Variants in MMP25 observed in about 807,000 individuals in gnomAD.
The protein encoded by MMP25 is matrix metallopeptidase 25, also known as matrix metalloproteinase-25.
A neutral mutation model predicts 62.1 loss-of-function variants in MMP25; 68 were observed. That is an observed-to-expected ratio of 1.10 (90% confidence interval 0.90 to 1.34). MMP25 has a LOEUF of 1.34. Among genes scored for constraint, MMP25 ranks in the 40% most tolerant of loss-of-function variants. The pLI is 0.00. For missense variants in MMP25, 942 were observed against 792.5 expected (o/e 1.19, Z -2.26); for synonymous variants, 407 against 345.6 (o/e 1.18, Z -1.97).
In MMP25 at chr16:3,046,927, C is replaced by T. The variant is rs976518420; in HGVS notation, c.10C>T (p.Arg4Trp). 5 of 1,453,944 alleles carry T rather than the reference C, an allele frequency of 3.4e-6. No individual in the cohort carries two copies. Among genetic ancestry groups the T allele is most frequent in the Non-Finnish European group, 3.6e-6 (4 of 1,111,200 alleles). The allele number at this position is 1,453,944 out of a possible 1,614,324, so 90.1% of individuals were successfully genotyped here. A position where few individuals can be genotyped will look rare whatever the true frequency, so the allele number is the denominator to read the frequency against. Residue 4 changes from arginine (R) to tryptophan (W), a missense_variant, in exon 1 of 10, where the codon CGG becomes TGG. Transcript: ENST00000336577. MRL[R>W]LRLLALLLLL... ...CGGGCTGGGGCGCACCATGCGGCTG[C>T]GGCTCCGGCTTCTGGCGCTGCTGCT...
chr16:3,060,537 A>T lies in MMP25; in HGVS notation c.*1439A>T, dbSNP rs1465277688. ...CAGCAACCATGCGAGGGGTTGCCCC[A>T]GTTGCTCATACAAACAGATCAGCAT... On this transcript the variant is annotated 3_prime_UTR_variant, in exon 10 of 10. Coordinates refer to ENST00000336577, the MANE Select transcript of MMP25 (RefSeq NM_022468.5). 6.6e-6 allele frequency: 1 copy of T among 152,186 alleles called. No homozygotes were observed. The highest frequency in any genetic ancestry group is 1.5e-5 in the Non-Finnish European group (1 of 68,030). The allele number at this position is 152,186 out of a possible 1,614,324, so 9.4% of individuals were successfully genotyped here. A position where few individuals can be genotyped will look rare whatever the true frequency, so the allele number is the denominator to read the frequency against.
In MMP25 at chr16:3,058,565, G is replaced by GCTA; in HGVS notation, c.1315_1317dup (p.Tyr439dup). ...CTGGTCCGCGGCCGGCAGTACTGGC[G>GCTA]CTACGACGAGGCGGCGGCGCGCCCG... On this transcript the variant is annotated inframe_insertion, in exon 9 of 10. Coordinates refer to ENST00000336577, the MANE Select transcript of MMP25 (RefSeq NM_022468.5). 1 of 1,610,668 alleles carries GCTA rather than the reference G, an allele frequency of 6.2e-7. No homozygotes were observed. Among genetic ancestry groups the GCTA allele is most frequent in the Non-Finnish European group, 8.5e-7 (1 of 1,179,138 alleles).
Position 3,058,662 on chromosome 16 carries a change from C to A in MMP25, c.1410C>A (p.Ser470Arg), listed in dbSNP as rs751951982. ...APPSPDDVTVSNAGDTYFFKG... is the reference protein window; with the variant it reads ...APPSPDDVTVRNAGDTYFFKG... Reference sequence around the variant, plus strand: ...CCTCCCCTGACGATGTCACCGTCAGCAACGCAGGTGGGGAGCGCGGTGACC... The same window carrying A: ...CCTCCCCTGACGATGTCACCGTCAGAAACGCAGGTGGGGAGCGCGGTGACC... Residue 470 changes from serine (S) to arginine (R), a missense_variant, in exon 9 of 10, where the codon AGC becomes AGA. Physicochemically the swap from Ser to Arg is moderately radical, Grantham distance 110 (BLOSUM62 -1). Transcript: ENST00000336577. 4 of 1,598,880 alleles carry A rather than the reference C, an allele frequency of 2.5e-6. No homozygotes were observed. In the Admixed American group the frequency reaches 6.8e-5, roughly 27 times the overall value.
Position 3,057,202 on chromosome 16 carries a change from A to C in MMP25, c.831A>C (p.Gln277His). 1.2e-6 allele frequency: 2 copies of C among 1,612,414 alleles called. No individual in the cohort carries two copies. Among genetic ancestry groups the C allele is most frequent in the Non-Finnish European group, 1.7e-6 (2 of 1,179,372 alleles). ...AGGATGACCGCGATGGCCTGCAGCA[A>C]CTCTATGGTAGGGGGAGAGGGACCT... ...LSQDDRDGLQQLYGKAPQTPY... is the reference protein window; with the variant it reads ...LSQDDRDGLQHLYGKAPQTPY... The change falls in exon 5 of 10, where the codon CAA (glutamine) becomes CAC (histidine). Residue 277 changes from glutamine (Q) to histidine (H), a missense_variant. Coordinates refer to ENST00000336577, the MANE Select transcript of MMP25 (RefSeq NM_022468.5).
chr16:3,059,127 C>T lies in MMP25; in HGVS notation c.*29C>T. 1 of 1,494,710 alleles carries T rather than the reference C, an allele frequency of 6.7e-7. No individual in the cohort carries two copies. Among genetic ancestry groups the T allele is most frequent in the Non-Finnish European group, 9.0e-7 (1 of 1,115,286 alleles). 92.6% of individuals were successfully genotyped at this position (1,494,710 alleles called of 1,614,324 possible). ...GGGGAGCCATCCAGACCGAACAGCG[C>T]CCTCCACGGCCGAGTCCCCCGCCGC... On this transcript the variant is annotated 3_prime_UTR_variant, in exon 10 of 10. Coordinates refer to ENST00000336577, the MANE Select transcript of MMP25 (RefSeq NM_022468.5).
chr16:3,059,191 CTTGT>C lies in MMP25; in HGVS notation c.*94_*97del. 7.3e-7 allele frequency: 1 copy of C among 1,373,626 alleles called. No individual in the cohort carries two copies. The highest frequency in any genetic ancestry group is 9.6e-7 in the Non-Finnish European group (1 of 1,045,036). 85.1% of individuals were successfully genotyped at this position (1,373,626 alleles called of 1,614,324 possible). ...GGGTTGTGAGGCGCTGCGGAGGCCC[CTTGT>C]CTGTTCCCACGGACGGGGGCTCGGG... On this transcript the variant is annotated 3_prime_UTR_variant, in exon 10 of 10. Transcript: ENST00000336577.
At chr16:3,047,155 C>G (rs1487111913) in intron 1 of MMP25, 139 bp downstream of exon 1, 51 of 1,128,818 alleles carry the variant, frequency 4.5e-5, no homozygotes, top group Non-Finnish European at 5.9e-5. Context: ...TCTGTGCTCC[C>G]GGCTTCTTGG....
rs1166791720 is a variant in MMP25 at position 3,057,046 on chromosome 16, C to T, written c.675C>T (p.Thr225=). The T allele has an allele frequency of 1.8e-5, 29 of 1,585,498 alleles. No individual in the cohort carries two copies. The highest frequency in any genetic ancestry group is 6.7e-5 in the East Asian group (3 of 44,554). ...TTTCTCCTGCAGACGGCGAGGGGAC[C>T]GACCTGTTTGCCGTGGCTGTCCATG... is the stretch of plus-strand genomic sequence containing the variant. ...WTFGSKDGEG[T]DLFAVAVHEF... is the part of the protein sequence containing the mutation. Residue 225 remains threonine, a synonymous_variant, in exon 5 of 10, where the codon ACC becomes ACT. Coordinates refer to ENST00000336577, the MANE Select transcript of MMP25 (RefSeq NM_022468.5).
rs1234990182 is a variant in MMP25 at position 3,055,938 on chromosome 16, C to A, written c.662-1095C>A. On this transcript the variant is annotated intron_variant, in intron 4 of 9. Transcript: ENST00000336577. ...TCCTCTGGGTCCTGGCAGTCCTGAG[C>A]GCCTGAGCTGAATACAGAGGGAAGA... 5 of 455,518 alleles carry A rather than the reference C, an allele frequency of 1.1e-5. No individual in the cohort carries two copies. The Admixed American group carries it at 1.2e-4, about 11-fold the overall frequency. The allele number at this position is 455,518 out of a possible 1,614,324, so 28.2% of individuals were successfully genotyped here.
rs925636218 is a variant in MMP25 at position 3,046,800 on chromosome 16, T to G, written c.-118T>G. The G allele has an allele frequency of 9.7e-6, 5 of 513,468 alleles. No homozygotes were observed. In the African/African-American group the frequency reaches 1.0e-4, roughly 10 times the overall value. The allele number at this position is 513,468 out of a possible 1,614,324, so 31.8% of individuals were successfully genotyped here. A position where few individuals can be genotyped will look rare whatever the true frequency, so the allele number is the denominator to read the frequency against. ...CCCAGCCCTCCGGCCGATCCCTCCC[T>G]ACTCGGTGCCGGGTGCCCCCCGCCC... On this transcript the variant is annotated 5_prime_UTR_variant, in exon 1 of 10. Transcript: ENST00000336577.
Position 3,050,264 on chromosome 16 carries a change from T to A in MMP25, c.379T>A (p.Phe127Ile). Residue 127 changes from phenylalanine to isoleucine, a missense_variant, in exon 4 of 10, where the codon TTC becomes ATC. Transcript: ENST00000336577. Reference protein sequence around the residue: ...KRTLTWRVRSFPQSSQLSQET... With the variant: ...KRTLTWRVRSIPQSSQLSQET... ...CTCCCCTCTCCCCAGGGTACGTTCC[T>A]TCCCCCAGAGCTCCCAGCTGAGCCA... is the stretch of plus-strand genomic sequence containing the variant. 1 of 1,597,310 alleles carries A rather than the reference T, an allele frequency of 6.3e-7. No homozygotes were observed. The highest frequency in any genetic ancestry group is 1.3e-5 in the African/African-American group (1 of 74,790).
At position 3,047,531 on chromosome 16, in the gene MMP25, G is replaced by A. The variant is rs765365674; in HGVS notation, c.216G>A (p.Pro72=). The change falls in exon 2 of 10, where the codon CCG becomes CCA. Residue 72 remains proline (P), a synonymous_variant. Coordinates refer to ENST00000336577, the MANE Select transcript of MMP25 (RefSeq NM_022468.5). The stretch of plus-strand genomic sequence containing the variant: ...TCATGCAGAGGTTCGCGGGGCTGCC[G>A]GAGACCGGCCGCATGGGTAGGTGGC... The part of the protein sequence containing the change: ...IKVMQRFAGL[P]ETGRMDPGTV... The A allele has an allele frequency of 3.7e-6, 6 of 1,613,364 alleles. No homozygotes were observed. The highest frequency in any genetic ancestry group is 2.2e-5 in the South Asian group (2 of 91,058).
Position 3,058,596 on chromosome 16 carries a change from C to G in MMP25, c.1344C>G (p.Pro448=). The stretch of plus-strand genomic sequence containing the variant: ...ACGAGGCGGCGGCGCGCCCGGACCC[C>G]GGCTACCCTCGCGACCTGAGCCTCT... The part of the protein sequence containing the change: ...RYDEAAARPD[P]GYPRDLSLWE... The change falls in exon 9 of 10, where the codon CCC becomes CCG. Residue 448 remains proline, a synonymous_variant. Transcript: ENST00000336577. 2 of 1,607,412 alleles carry G rather than the reference C, an allele frequency of 1.2e-6. No individual in the cohort carries two copies. The highest frequency in any genetic ancestry group is 1.7e-5 in the Admixed American group (1 of 59,366).
chr16:3,055,332 G>A (rs1269315170), intron 4 of MMP25, among the ~76,000 whole-genome samples: 6 of 152,144 alleles, frequency 3.9e-5, no homozygotes, highest in Non-Finnish European at 5.9e-5. Context: ...ACAAGGCAGG[G>A]AAGAAGGTGA....
chr16:3,056,882 G>A (rs1171549775), intron 4 of MMP25, 151 bp from the exon 5 acceptor site: 4 of 674,340 alleles, frequency 5.9e-6, no homozygotes, highest in Non-Finnish European at 9.7e-6. Flanking sequence ...GGATGATGGA[G>A]AGTTCAGGAA....
Position 3,058,892 on chromosome 16 carries a change from C to G in MMP25, c.1483C>G (p.Pro495Ala). 6.4e-7 allele frequency: 1 copy of G among 1,554,902 alleles called. No individual in the cohort carries two copies. Among genetic ancestry groups the G allele is most frequent in the Non-Finnish European group, 8.7e-7 (1 of 1,149,040 alleles). The change falls in exon 10 of 10, where the codon CCG becomes GCG. Residue 495 changes from proline (P) to alanine (A), a missense_variant. Pro to Ala is a conservative substitution (Grantham distance 27). Transcript: ENST00000336577. ...RFPKNSIKTEPDAPQPMGPNW... is the reference protein window; with the variant it reads ...RFPKNSIKTEADAPQPMGPNW... ...CCCCAAGAACAGCATCAAGACCGAG[C>G]CGGACGCCCCCCAGCCCATGGGGCC...
intron 2 of MMP25, among the ~76,000 whole-genome samples, chr16:3,049,580 A>T (rs188179158): frequency 4.5e-4 from 68 of 152,294 alleles, no homozygotes; most frequent in Admixed American, 6.5e-4. Context: ...CGGCCTGGGC[A>T]CTTTGGACCT....
At position 3,050,162 on chromosome 16, in the gene MMP25, C is replaced by T. The variant is rs191414291; in HGVS notation, c.368+18C>T. The T allele has an allele frequency of 2.5e-6, 4 of 1,593,806 alleles. No individual in the cohort carries two copies. The Admixed American group carries it at 6.8e-5, about 27-fold the overall frequency. ...ACATGGAGGTAGGTCCTGGGGCCCA[C>T]CCGCACCCTGGCCCTGCCTGCTGGG... is the stretch of plus-strand genomic sequence containing the variant. On this transcript the variant is annotated intron_variant, in intron 3 of 9. Coordinates refer to ENST00000336577, the MANE Select transcript of MMP25 (RefSeq NM_022468.5).
At chr16:3,056,912 G>A (rs951313075) in intron 4 of MMP25, 121 bp from the exon 5 acceptor site, 5 of 1,041,598 alleles carry the variant, frequency 4.8e-6, no homozygotes, top group African/African-American at 3.2e-5. Flanking sequence ...AGAGGAGGCT[G>A]GGGCCACCTC....
Sources: gnomAD v4.1 joint callset for allele counts (sites outside exome capture counted in the v4.1 genomes callset) on GRCh38, gnomAD v4.1.1 for gene constraint, MANE v1.5 for transcripts, NCBI Gene and HGNC (gene_info 2026-07-23, HGNC 2026-07-21) for gene names.